The following DPP10 variants were observed in gnomAD, a reference collection of about 807,000 sequenced individuals.
DPP10 encodes the protein inactive dipeptidyl peptidase 10.
DPP10 carries 33 observed loss-of-function variants against 120.9 expected under a neutral mutation model. The observed-to-expected ratio is 0.27, with a 90% CI of 0.21 to 0.37. DPP10 has a LOEUF of 0.37. Among genes scored for constraint, DPP10 ranks in the 10% least tolerant of loss-of-function variants. The pLI is 1.00. For synonymous variants in DPP10, 337 were observed against 326.1 expected (o/e 1.03, Z -0.36); for missense variants, 816 against 942.8 (o/e 0.87, Z 1.76).
At chr2:115,232,590 A>G (rs1170561249) in intron 1 of DPP10, among the ~76,000 whole-genome samples, 1 of 152,170 alleles carries the variant, frequency 6.6e-6, no homozygotes, top group Admixed American at 6.5e-5. Flanking sequence ...GAGTTGTCAT[A>G]TAGCCACTGG....
chr2:115,800,751 T>C (rs1228431142), intron 19 of DPP10, among the ~76,000 whole-genome samples: 2 of 152,184 alleles, frequency 1.3e-5, no homozygotes, highest in Non-Finnish European at 1.5e-5. Context: ...GTTGTAGATA[T>C]ACGGCATTAT....
At chr2:115,249,651 C>CT (rs1370682543) in intron 1 of DPP10, among the ~76,000 whole-genome samples, 2 of 152,028 alleles carry the variant, frequency 1.3e-5, no homozygotes, top group Non-Finnish European at 1.5e-5. Context: ...GATAGCAAGC[C>CT]TTTTGAGTTC....
At chr2:114,456,030 A>G (rs1678567490) in intron 1 of DPP10, among the ~76,000 whole-genome samples, 4 of 152,150 alleles carry the variant, frequency 2.6e-5, no homozygotes, top group African/African-American at 9.7e-5. Flanking sequence ...CTTCTAAAAT[A>G]TACAGGCACT....
intron 1 of DPP10, among the ~76,000 whole-genome samples, chr2:115,121,974 G>C (rs940433151): frequency 1.3e-5 from 2 of 152,126 alleles, no homozygotes; most frequent in African/African-American, 4.8e-5. Flanking sequence ...CCCAGGTTTG[G>C]GTATGCATCG....
At chr2:115,535,110 A>G (rs1262817910) in intron 5 of DPP10, among the ~76,000 whole-genome samples, 1 of 151,598 alleles carries the variant, frequency 6.6e-6, no homozygotes, top group Non-Finnish European at 1.5e-5. Context: ...GAAGCTCTTT[A>G]CTTTAATTAG....
In DPP10 at chr2:114,924,527, A is replaced by G. The variant is rs796217071; in HGVS notation, c.61-384712A>G. Among the ~76,000 whole-genome samples, 38 of 111,644 alleles carry G rather than the reference A, an allele frequency of 3.4e-4. 1 individual carries two copies. The highest frequency in any genetic ancestry group is 1.0e-3 in the African/African-American group (34 of 33,892). The allele number at this position is 111,644 out of a possible 152,430, so 73.2% of individuals were successfully genotyped here. ...GGCAACAGAGTGAGAATCTGTCTCA[A>G]AAAAAAAAAAGAAAGAGGAAAAAGA... On this transcript the variant is annotated intron_variant, in intron 1 of 25. Coordinates refer to ENST00000410059, the MANE Select transcript of DPP10 (RefSeq NM_020868.6).
intron 1 of DPP10, among the ~76,000 whole-genome samples, chr2:114,857,689 A>T (rs1472810001): frequency 6.6e-6 from 1 of 152,184 alleles, no homozygotes; most frequent in African/African-American, 2.4e-5. Flanking sequence ...TTTAATGGCA[A>T]AAACCACAAT....
chr2:115,770,197 G>A (rs545544735), intron 13 of DPP10, among the ~76,000 whole-genome samples: 55 of 152,132 alleles, frequency 3.6e-4, no homozygotes, highest in Middle Eastern at 6.8e-3. Flanking sequence ...AAAGTATGGC[G>A]TTGGGTAGGG....
At chr2:115,233,751 G>A (rs888643782) in intron 1 of DPP10, among the ~76,000 whole-genome samples, 1 of 152,110 alleles carries the variant, frequency 6.6e-6, no homozygotes, top group Admixed American at 6.5e-5. Flanking sequence ...TCTTGTGGGC[G>A]TGGACAGGAT....
intron 1 of DPP10, among the ~76,000 whole-genome samples, chr2:114,919,841 C>A (rs1695070472): frequency 6.6e-6 from 1 of 152,144 alleles, no homozygotes; most frequent in Non-Finnish European, 1.5e-5. Context: ...TATCCCCAGT[C>A]ACATTTTCAG....
rs36163225 is a variant in DPP10 at position 114,897,559 on chromosome 2, C to A, written c.61-411680C>A. Reference sequence around the variant, plus strand: ...AGAAACTACCATCAGAGTGAACAGGCAACCTACAAAATGGGAGAAAATTTT... The same window carrying A: ...AGAAACTACCATCAGAGTGAACAGGAAACCTACAAAATGGGAGAAAATTTT... On this transcript the variant is annotated intron_variant, in intron 1 of 25. Coordinates refer to ENST00000410059, the MANE Select transcript of DPP10 (RefSeq NM_020868.6). Among the ~76,000 whole-genome samples the A allele has an allele frequency of 3.2e-4, 48 of 152,052 alleles. 1 individual carries two copies. The highest frequency in any genetic ancestry group is 3.1e-3 in the Admixed American group (48 of 15,260).
intron 2 of DPP10, among the ~76,000 whole-genome samples, chr2:115,336,563 C>CTCTCTCTCTCTCTG (rs1559446064): frequency 8.3e-6 from 1 of 121,188 alleles, no homozygotes; most frequent in Non-Finnish European, 2.0e-5. Context: ...TGTGTACTCT[C>CTCTCTCTCTCTCTG]TCTCTCTCTC....
chr2:114,948,690 A>G (rs1427378689), intron 1 of DPP10, among the ~76,000 whole-genome samples: 1 of 152,166 alleles, frequency 6.6e-6, no homozygotes, highest in Non-Finnish European at 1.5e-5. Context: ...TATCTTGTCA[A>G]GTACCACCAT....
chr2:115,399,265 C>G (rs749512485), intron 3 of DPP10, among the ~76,000 whole-genome samples: 3 of 152,086 alleles, frequency 2.0e-5, no homozygotes, highest in South Asian at 2.1e-4. Context: ...ATAACACACA[C>G]AAAAGAGAAG....
chr2:115,429,232 A>T (rs994655804), intron 3 of DPP10, among the ~76,000 whole-genome samples: 6 of 1,646 alleles, frequency 3.6e-3, no homozygotes, highest in Non-Finnish European at 8.3e-3. Flanking sequence ...AAAATATATT[A>T]AAAAAAATTA....
chr2:115,093,647 GT>G (rs1316613621), intron 1 of DPP10, among the ~76,000 whole-genome samples: 2 of 152,024 alleles, frequency 1.3e-5, no homozygotes, highest in African/African-American at 4.8e-5. Context: ...AAGTTAAAAA[GT>G]TTTTGTAGGT....
chr2:115,076,296 CT>C (rs1707784254), intron 1 of DPP10, among the ~76,000 whole-genome samples: 1 of 150,980 alleles, frequency 6.6e-6, no homozygotes, highest in African/African-American at 2.4e-5. Flanking sequence ...AATTGAGATC[CT>C]TTTTCTACCT....
At chr2:115,485,254 AAAC>A (rs1349980189) in intron 3 of DPP10, among the ~76,000 whole-genome samples, 14 of 150,390 alleles carry the variant, frequency 9.3e-5, no homozygotes, top group African/African-American at 2.2e-4. Context: ...AAAAAAAAAA[AAAC>A]AAACAAAAAC....
At chr2:115,840,311 G>GTGTTTTTTT (rs1575965088) in intron 24 of DPP10, among the ~76,000 whole-genome samples, 1 of 33,242 alleles carries the variant, frequency 3.0e-5, no homozygotes, top group African/African-American at 9.0e-5. Flanking sequence ...CAGATATAAG[G>GTGTTTTTTT]TTTTTTGGTT....
Sources: gnomAD v4.1 joint callset for allele counts (sites outside exome capture counted in the v4.1 genomes callset) on GRCh38, gnomAD v4.1.1 for gene constraint, MANE v1.5 for transcripts, NCBI Gene and HGNC (gene_info 2026-07-23, HGNC 2026-07-21) for gene names.